The following PCDHGB1 variants were observed in gnomAD, a reference collection of about 807,000 sequenced individuals.
PCDHGB1 encodes the protein protocadherin gamma subfamily B, 1, also known as protocadherin gamma-B1.
Under a neutral mutation model 56.6 loss-of-function variants are expected in PCDHGB1, and 34 were observed. That is an observed-to-expected ratio of 0.60 (90% CI 0.46 to 0.80). PCDHGB1 has a LOEUF of 0.80. PCDHGB1 is among the 30% of genes least tolerant of loss of function. PCDHGB1 has a pLI of 0.00. For synonymous variants in PCDHGB1, 561 were observed against 505.9 expected (o/e 1.11, Z -1.46); for missense variants, 1,278 against 1,204.6 (o/e 1.06, Z -0.90).
At chr5:141,439,190 CAA>C (rs200519543) in intron 1 of PCDHGB1, among the ~76,000 whole-genome samples, 3 of 111,702 alleles carry the variant, frequency 2.7e-5, no homozygotes, top group Non-Finnish European at 4.0e-5. Flanking sequence ...GAGACTCTGA[CAA>C]AAAAAAAAAA....
At chr5:141,439,472 A>G (rs1185561573) in intron 1 of PCDHGB1, among the ~76,000 whole-genome samples, 3 of 152,228 alleles carry the variant, frequency 2.0e-5, no homozygotes, top group Non-Finnish European at 4.4e-5. Flanking sequence ...GCTGCCTTTC[A>G]GCTTGCAAAT....
At chr5:141,389,170 C>CCCTCT (rs2091633405) in intron 1 of PCDHGB1, 3 of 1,614,006 alleles carry the variant, frequency 1.9e-6, no homozygotes, top group Non-Finnish European at 2.5e-6. Context: ...GGCAAGCCTC[C>CCCTCT]CCTCTCCTCC....
intron 1 of PCDHGB1, chr5:141,388,375 G>A (rs2091339163): frequency 7.4e-6 from 12 of 1,613,962 alleles, no homozygotes; most frequent in Non-Finnish European, 1.0e-5. Flanking sequence ...GATATTGGTA[G>A]CAACACACTG....
intron 1 of PCDHGB1, chr5:141,392,059 C>G (rs2092458843): frequency 6.6e-6 from 1 of 152,098 alleles, no homozygotes; most frequent in Non-Finnish European, 1.5e-5. Flanking sequence ...AAAATATTAT[C>G]GACATGTAAT....
intron 1 of PCDHGB1, 34 bp downstream of exon 1, chr5:141,352,703 A>G (rs775340897): frequency 1.7e-5 from 26 of 1,547,670 alleles, no homozygotes; most frequent in Admixed American, 7.8e-5. Flanking sequence ...AATTTTATAT[A>G]TGGCGGCCGG....
intron 1 of PCDHGB1, chr5:141,362,471 ATCTCG>A: frequency 6.2e-7 from 1 of 1,614,018 alleles, no homozygotes; most frequent in Non-Finnish European, 8.5e-7. Context: ...CCCGCGCAAG[ATCTCG>A]TCTGTGACAA....
At chr5:141,364,959 T>A (rs1318302569) in intron 1 of PCDHGB1, 1 of 1,613,876 alleles carries the variant, frequency 6.2e-7, no homozygotes, top group Non-Finnish European at 8.5e-7. Flanking sequence ...GTTCACGACC[T>A]CCTCCTCACA....
At position 141,511,648 on chromosome 5, in the gene PCDHGB1, G is replaced by T. The variant is rs553080689; in HGVS notation, c.*475G>T. The T allele has an allele frequency of 1.4e-5, 3 of 214,700 alleles. No homozygotes were observed. Among genetic ancestry groups the T allele is most frequent in the East Asian group, 2.1e-4 (2 of 9,414 alleles). The allele number at this position is 214,700 out of a possible 1,614,324, so 13.3% of individuals were successfully genotyped here. A position where few individuals can be genotyped will look rare whatever the true frequency, so the allele number is the denominator to read the frequency against. On this transcript the variant is annotated 3_prime_UTR_variant, in exon 4 of 4. Coordinates refer to ENST00000523390, the MANE Select transcript of PCDHGB1 (RefSeq NM_018922.3). ...AGTTGGAAGGGCATCATGACCTCTTGGCCTCTCCTTTGATTCTCAATCTTC... is the reference window on the plus strand; with the variant it reads ...AGTTGGAAGGGCATCATGACCTCTTTGCCTCTCCTTTGATTCTCAATCTTC...
rs766885846 is a variant in PCDHGB1 at position 141,393,434 on chromosome 5, TCAC to T, written c.2409+40770_2409+40772del. The stretch of plus-strand genomic sequence containing the variant: ...CCCTGGACAGGGAGGAAGAGGCTGC[TCAC>T]CACCTGGTCCTCACGGCCTCGGATG... On this transcript the variant is annotated intron_variant, in intron 1 of 3. Coordinates refer to ENST00000523390, the MANE Select transcript of PCDHGB1 (RefSeq NM_018922.3). 11 of 1,613,902 alleles carry T rather than the reference TCAC, an allele frequency of 6.8e-6. No individual in the cohort carries two copies. The African/African-American group carries it at 1.2e-4, about 18-fold the overall frequency.
chr5:141,438,597 T>C (rs1343540280), intron 1 of PCDHGB1, among the ~76,000 whole-genome samples: 20 of 38,918 alleles, frequency 5.1e-4, no homozygotes, highest in African/African-American at 1.6e-3. Flanking sequence ...CATACATATA[T>C]ATATATATAT....
Position 141,352,394 on chromosome 5 carries a change from C to A in PCDHGB1, c.2134C>A (p.Arg712=), listed in dbSNP as rs370902348. The change falls in exon 1 of 4, where the codon CGA becomes AGA. Residue 712 remains arginine (R), a synonymous_variant. Transcript: ENST00000523390. ...GATTCTAGCGATCGCCCTGCGCCTG[C>A]GACGTTCCTCCAGCCTCGACACTGA... ...AVILAIALRL[R]RSSSLDTEGC... The A allele has an allele frequency of 6.2e-7, 1 of 1,613,932 alleles. No individual in the cohort carries two copies. The highest frequency in any genetic ancestry group is 1.3e-5 in the African/African-American group (1 of 74,942).
rs1562065751 is a variant in PCDHGB1, at chr5:141,477,907, C to T, written c.2410-16900C>T. The T allele has an allele frequency of 1.9e-6, 3 of 1,614,164 alleles. No homozygotes were observed. The highest frequency in any genetic ancestry group is 2.2e-5 in the East Asian group (1 of 44,872). ...TAGTGTCACGGGTGGTAGGCTGGGA[C>T]GCGGATGCAGGGCACAATGCCTGGC... On this transcript the variant is annotated intron_variant, in intron 1 of 3. Transcript: ENST00000523390. This position sits in a 1 kb window ranked among gnomAD's most constrained non-coding sequence, Gnocchi z 4.9.
At chr5:141,418,460 G>A in intron 1 of PCDHGB1, 1 of 1,613,992 alleles carries the variant, frequency 6.2e-7, no homozygotes, top group Non-Finnish European at 8.5e-7. Context: ...GAAGACTCTG[G>A]ACCGAGAAAC....
In PCDHGB1 at chr5:141,489,621, T is replaced by C. The variant is rs765666746; in HGVS notation, c.2410-5186T>C. 29 of 1,613,978 alleles carry C rather than the reference T, an allele frequency of 1.8e-5. No individual in the cohort carries two copies. The highest frequency in any genetic ancestry group is 1.6e-4 in the Middle Eastern group (1 of 6,084). On this transcript the variant is annotated intron_variant, in intron 1 of 3. Transcript: ENST00000523390. The surrounding 1 kb of genome is among the most constrained non-coding windows in gnomAD (Gnocchi z 4.5). ...TAGAGGTAGAGATCCTGGATCTCAATGACAACTCTCCTAGCTTTGCCACCC... is the reference window on the plus strand; with the variant it reads ...TAGAGGTAGAGATCCTGGATCTCAACGACAACTCTCCTAGCTTTGCCACCC...
chr5:141,418,477 C>G (rs2154547707), intron 1 of PCDHGB1: 1 of 1,614,016 alleles, frequency 6.2e-7, no homozygotes, highest in Non-Finnish European at 8.5e-7. Context: ...AAACGCAGAG[C>G]GCTCACCACT....
Position 141,502,485 on chromosome 5 carries a change from G to A in PCDHGB1, c.2469-2908G>A, listed in dbSNP as rs187600890. ...AATACTTCCCGCAGCATCACACTGG[G>A]ACTCATCTAACGTCGGCCTGTCCCA... On this transcript the variant is annotated intron_variant, in intron 2 of 3. Coordinates refer to ENST00000523390, the MANE Select transcript of PCDHGB1 (RefSeq NM_018922.3). 8.4e-3 allele frequency among the ~76,000 whole-genome samples: 1,276 copies of A among 152,270 alleles called. 22 individuals carry two copies. Among genetic ancestry groups the A allele is most frequent in the African/African-American group, 0.028 (1,151 of 41,542 alleles).
At chr5:141,413,822 T>G in intron 1 of PCDHGB1, 1 of 1,613,216 alleles carries the variant, frequency 6.2e-7, no homozygotes, top group Non-Finnish European at 8.5e-7. Context: ...CACCTGGTCC[T>G]CACCGCCTCC....
At chr5:141,394,845 C>G (rs2093112269) in intron 1 of PCDHGB1, 20 of 1,613,866 alleles carry the variant, frequency 1.2e-5, no homozygotes, top group Non-Finnish European at 1.7e-5. Flanking sequence ...GTTGGGCAGT[C>G]TGAAGCCTTC....
At chr5:141,408,557 G>A in intron 1 of PCDHGB1, 6 of 1,614,046 alleles carry the variant, frequency 3.7e-6, no homozygotes, top group Non-Finnish European at 5.1e-6. Flanking sequence ...TATTTTTCAT[G>A]TCATTGTGGT....
Sources: allele counts gnomAD v4.1 joint callset (sites outside exome capture counted in the v4.1 genomes callset), GRCh38; gene constraint gnomAD v4.1.1; non-coding constraint Gnocchi (gnomAD v3.1); transcripts MANE v1.5; gene names NCBI Gene and HGNC (gene_info 2026-07-23, HGNC 2026-07-21).